The following WDR17 variants were observed in gnomAD, a reference collection of about 807,000 sequenced individuals.
The protein encoded by WDR17 is WD repeat-containing protein 17.
In WDR17, 143 loss-of-function variants were observed where a neutral mutation model predicts 161.7. The observed-to-expected ratio is 0.88, with a 90% CI of 0.77 to 1.02. WDR17 has a LOEUF of 1.02. WDR17 is among the 50% of genes least tolerant of loss of function. WDR17 has a pLI of 0.00. For synonymous variants in WDR17, 517 were observed against 515.6 expected, an observed-to-expected ratio of 1.00 and a Z score of -0.04; for missense variants, 1,469 against 1,520.9, an observed-to-expected ratio of 0.97 and a Z score of 0.57.
rs776196466 is a variant in WDR17 at position 176,177,609 on chromosome 4, T to G, written c.3687T>G (p.Ser1229Arg). 2 of 1,597,972 alleles carry G rather than the reference T, an allele frequency of 1.3e-6. No individual in the cohort carries two copies. Among genetic ancestry groups the G allele is most frequent in the Non-Finnish European group, 1.7e-6 (2 of 1,176,052 alleles). The change falls in exon 28 of 29, where the codon AGT becomes AGG. Residue 1229 changes from serine (S) to arginine (R), a missense_variant. By Grantham distance (110) the Ser-to-Arg change is moderately radical (BLOSUM62 -1). Transcript: ENST00000508596. ...ATGTGACTGGATCAAATCTTCCAAG[T>G]CATTCTGATATTCACATTTCTTGTC... is the stretch of plus-strand genomic sequence containing the variant. ...PDYVTGSNLP[S>R]HSDIHISCLT...
At chr4:176,144,737 A>T (rs1389572950) in intron 11 of WDR17, among the ~76,000 whole-genome samples, 4 of 152,132 alleles carry the variant, frequency 2.6e-5, no homozygotes, top group African/African-American at 4.8e-5. Flanking sequence ...TTCATATTCC[A>T]CTTAGTGTCT....
intron 28 of WDR17, among the ~76,000 whole-genome samples, chr4:176,179,041 T>C (rs996346783): frequency 4.6e-5 from 7 of 152,214 alleles, no homozygotes; most frequent in African/African-American, 1.7e-4. Context: ...ATAAAGTTTC[T>C]GGCTTAAATA....
intron 1 of WDR17, among the ~76,000 whole-genome samples, chr4:176,066,749 G>T (rs1037214366): frequency 2.0e-5 from 3 of 151,164 alleles, no homozygotes; most frequent in Admixed American, 6.6e-5. Context: ...AAATTATTTT[G>T]CATATTAATA....
At chr4:176,120,322 T>TATATATATATATAAAAC (rs1741379647) in intron 4 of WDR17, among the ~76,000 whole-genome samples, 2 of 136,442 alleles carry the variant, frequency 1.5e-5, no homozygotes, top group African/African-American at 5.7e-5. Flanking sequence ...ATATATATAA[T>TATATATATATATAAAAC]ACATTCAACA....
chr4:176,111,724 C>T, intron 2 of WDR17, 21 bp downstream of exon 2: 1 of 1,530,956 alleles, frequency 6.5e-7, no homozygotes, highest in Non-Finnish European at 8.8e-7. Flanking sequence ...AATTCTTTTC[C>T]ATTTTTAATT....
rs746857710 is a variant in WDR17, at chr4:176,135,103, C to G, written c.1099-5C>G. 1.9e-5 allele frequency: 30 copies of G among 1,611,196 alleles called. No individual in the cohort carries two copies. The highest frequency in any genetic ancestry group is 2.5e-5 in the Non-Finnish European group (30 of 1,178,014). On this transcript the variant is annotated splice_region_variant and splice_polypyrimidine_tract_variant and intron_variant, in intron 7 of 28. Coordinates refer to ENST00000508596, the MANE Select transcript of WDR17 (RefSeq NM_181265.4). Reference sequence around the variant, plus strand: ...AATTATGACTTTTTTATGCCATATTCCTAGGGACATGTGGAAACTATCTTT... The same window carrying G: ...AATTATGACTTTTTTATGCCATATTGCTAGGGACATGTGGAAACTATCTTT...
intron 1 of WDR17, among the ~76,000 whole-genome samples, chr4:176,102,604 C>T (rs558959491): frequency 1.6e-4 from 25 of 152,296 alleles, no homozygotes; most frequent in Non-Finnish European, 2.9e-4. Flanking sequence ...GTATGTCCTT[C>T]AGTAGACTGG....
At chr4:176,072,901 T>C (rs1733425830) in intron 1 of WDR17, among the ~76,000 whole-genome samples, 2 of 152,148 alleles carry the variant, frequency 1.3e-5, no homozygotes. Context: ...GCTGACCTTT[T>C]AATAGACATT....
At chr4:176,167,658 A>AC (rs150497533) in intron 22 of WDR17, among the ~76,000 whole-genome samples, 1 of 69,622 alleles carries the variant, frequency 1.4e-5, no homozygotes. Context: ...AAAAAAAAAA[A>AC]AAAAAAAAAA....
At chr4:176,079,752 G>A (rs1265929605) in intron 1 of WDR17, among the ~76,000 whole-genome samples, 2 of 152,052 alleles carry the variant, frequency 1.3e-5, no homozygotes, top group Non-Finnish European at 2.9e-5. Context: ...GAAGTCCAAG[G>A]TCAAGAGGCC....
At chr4:176,093,965 A>G (rs569379014) in intron 1 of WDR17, among the ~76,000 whole-genome samples, 24 of 152,254 alleles carry the variant, frequency 1.6e-4, no homozygotes, top group Non-Finnish European at 3.2e-4. Context: ...GTATCAGGAC[A>G]TAAGAAATAA....
intron 1 of WDR17, among the ~76,000 whole-genome samples, chr4:176,088,268 G>A (rs1278073222): frequency 6.6e-6 from 1 of 152,100 alleles, no homozygotes; most frequent in Non-Finnish European, 1.5e-5. Context: ...GAGAAGCACA[G>A]TATATACTTT....
intron 12 of WDR17, among the ~76,000 whole-genome samples, chr4:176,147,563 C>G (rs539275209): frequency 6.6e-6 from 1 of 152,070 alleles, no homozygotes; most frequent in East Asian, 1.9e-4. Flanking sequence ...CAGATAATAC[C>G]CATCATCATA....
chr4:176,150,106 A>G lies in WDR17; in HGVS notation c.2111A>G (p.Gln704Arg). Residue 704 changes from glutamine to arginine, a missense_variant, in exon 15 of 29, where the codon CAG (glutamine) becomes CGG (arginine). Gln to Arg is a conservative substitution (Grantham distance 43). Transcript: ENST00000508596. ...GGTAAAGTGTCAAGAGATATTAGAC[A>G]GGAAATAGAAAAACTAACTGCTAAT... Reference protein sequence around the residue: ...LCGKVSRDIRQEIEKLTANSQ... With the variant: ...LCGKVSRDIRREIEKLTANSQ... 1.2e-6 allele frequency: 2 copies of G among 1,614,046 alleles called. No individual in the cohort carries two copies. Among genetic ancestry groups the G allele is most frequent in the Non-Finnish European group, 1.7e-6 (2 of 1,179,970 alleles).
intron 12 of WDR17, among the ~76,000 whole-genome samples, chr4:176,146,929 T>G (rs1310756887): frequency 1.3e-5 from 2 of 151,988 alleles, no homozygotes; most frequent in East Asian, 3.9e-4. Flanking sequence ...TGCAGTGGCA[T>G]GATCTCAGCT....
At position 176,162,111 on chromosome 4, in the gene WDR17, G is replaced by C. The variant is rs1175303326; in HGVS notation, c.2787G>C (p.Trp929Cys). The change falls in exon 21 of 29, where the codon TGG (tryptophan) becomes TGC (cysteine). Residue 929 changes from tryptophan to cysteine, a missense_variant. By Grantham distance (215) the Trp-to-Cys change is radical (BLOSUM62 -2). Transcript: ENST00000508596. ...LHKVSKELAE[W>C]YFQDGRAVLA... The stretch of plus-strand genomic sequence containing the variant: ...AAGTCAGTAAAGAACTGGCAGAATG[G>C]TATTTTCAAGATGGTCGAGCAGTAC... 2 of 1,613,050 alleles carry C rather than the reference G, an allele frequency of 1.2e-6. No individual in the cohort carries two copies. The highest frequency in any genetic ancestry group is 1.7e-6 in the Non-Finnish European group (2 of 1,179,400).
chr4:176,075,347 G>C (rs1280212587), intron 1 of WDR17, among the ~76,000 whole-genome samples: 1 of 151,934 alleles, frequency 6.6e-6, no homozygotes. Flanking sequence ...TGTTAAATGA[G>C]AAATTTACCA....
Position 176,152,004 on chromosome 4 carries a change from A to C in WDR17, c.2460+37A>C, listed in dbSNP as rs376684760. 3 of 1,585,342 alleles carry C rather than the reference A, an allele frequency of 1.9e-6. No homozygotes were observed. In the African/African-American group the frequency reaches 4.1e-5, roughly 22 times the overall value. ...TGAAAGTAAAACTAATGAGTTTAACATAGTAGTCTAAACGTTAAGAATATA... is the reference window on the plus strand; with the variant it reads ...TGAAAGTAAAACTAATGAGTTTAACCTAGTAGTCTAAACGTTAAGAATATA... On this transcript the variant is annotated intron_variant, in intron 17 of 28. Transcript: ENST00000508596.
chr4:176,163,684 A>G (rs1486914613), intron 22 of WDR17, among the ~76,000 whole-genome samples: 1 of 152,242 alleles, frequency 6.6e-6, no homozygotes, highest in Admixed American at 6.5e-5. Flanking sequence ...AGTCACTTAT[A>G]TAAAGCAACA....
Sources: allele counts gnomAD v4.1 joint callset (sites outside exome capture counted in the v4.1 genomes callset), GRCh38; gene constraint gnomAD v4.1.1; transcripts MANE v1.5; gene names NCBI Gene and HGNC (gene_info 2026-07-23, HGNC 2026-07-21).